GOLT1A: variants seen among roughly 807,000 people sequenced by gnomAD.
GOLT1A encodes the protein vesicle transport protein GOT1A.
A neutral mutation model predicts 16.1 loss-of-function variants in GOLT1A; 10 were observed. The ratio of observed to expected loss-of-function variants is 0.62; its 90% CI spans 0.38 to 1.05. The LOEUF (loss-of-function observed/expected upper bound fraction) is 1.05, where lower values mean the gene tolerates loss of function less well. Among genes scored for constraint, GOLT1A ranks in the 50% least tolerant of loss-of-function variants. GOLT1A has a pLI of 0.01. For synonymous variants in GOLT1A, 60 were observed against 67.9 expected (o/e 0.88, Z 0.57); for missense variants, 137 against 165.7 (o/e 0.83, Z 0.95).
At chr1:204,206,046 G>A (rs955190328) in intron 1 of GOLT1A, among the ~76,000 whole-genome samples, 6 of 151,980 alleles carry the variant, frequency 3.9e-5, no homozygotes, top group Non-Finnish European at 7.4e-5. Context: ...CTCCAGCCTG[G>A]GTAACAAGAG....
chr1:204,200,299 G>GTGTATATATATATATATATAGATATATA, intron 3 of GOLT1A, among the ~76,000 whole-genome samples: 1 of 82,684 alleles, frequency 1.2e-5, no homozygotes, highest in African/African-American at 5.5e-5. Context: ...ACATATATGT[G>GTGTATATATATATATATATAGATATATA]TATATATATA....
intron 1 of GOLT1A, among the ~76,000 whole-genome samples, chr1:204,203,482 G>A (rs1422278895): frequency 6.6e-6 from 1 of 152,162 alleles, no homozygotes; most frequent in East Asian, 1.9e-4. Context: ...CCTTACTCAA[G>A]AGGCTGGCCC....
At chr1:204,204,277 T>G (rs764829862) in intron 1 of GOLT1A, among the ~76,000 whole-genome samples, 10 of 152,174 alleles carry the variant, frequency 6.6e-5, no homozygotes, top group Non-Finnish European at 1.2e-4. Flanking sequence ...AAGCTGAAAC[T>G]CTACACCCAT....
chr1:204,209,825 TG>T (rs778966359), intron 1 of GOLT1A, among the ~76,000 whole-genome samples: 22 of 152,096 alleles, frequency 1.4e-4, no homozygotes, highest in Admixed American at 7.9e-4. Context: ...GACGCCGAGG[TG>T]GGTGGATCAT....
intron 1 of GOLT1A, among the ~76,000 whole-genome samples, chr1:204,204,884 C>T (rs1659016091): frequency 1.3e-5 from 2 of 151,572 alleles, no homozygotes; most frequent in Admixed American, 1.3e-4. Context: ...AGGTAGTATA[C>T]ATTGTGGTTT....
chr1:204,212,019 T>C (rs1297852014), intron 1 of GOLT1A, among the ~76,000 whole-genome samples: 2 of 152,034 alleles, frequency 1.3e-5, no homozygotes, highest in Non-Finnish European at 2.9e-5. Flanking sequence ...TGCAGATTAT[T>C]CCCACATTTC....
intron 2 of GOLT1A, 145 bp downstream of exon 2, chr1:204,202,751 G>T: frequency 1.5e-6 from 1 of 658,888 alleles, no homozygotes; most frequent in Non-Finnish European, 2.7e-6. Context: ...GGATAGGCAT[G>T]GTCTGAATAA....
At chr1:204,209,632 T>A (rs1659107441) in intron 1 of GOLT1A, among the ~76,000 whole-genome samples, 1 of 152,226 alleles carries the variant, frequency 6.6e-6, no homozygotes, top group Non-Finnish European at 1.5e-5. Flanking sequence ...TTTTCATAAC[T>A]ACCTGTGACA....
In GOLT1A at chr1:204,213,923, G is replaced by C. The variant is rs373387343; in HGVS notation, c.-17C>G. 2.7e-5 allele frequency: 43 copies of C among 1,612,446 alleles called. No homozygotes were observed. Among genetic ancestry groups the C allele is most frequent in the Non-Finnish European group, 3.6e-5 (43 of 1,179,572 alleles). On this transcript the variant is annotated 5_prime_UTR_variant, in exon 1 of 5. Coordinates refer to ENST00000308302, the MANE Select transcript of GOLT1A (RefSeq NM_198447.2). ...GGAGATCATGCCGCACTCAGCCTGG[G>C]GGGCTTTCCGGGTGGAAGCGGGCAA...
chr1:204,212,405 C>A (rs1241655061), intron 1 of GOLT1A, among the ~76,000 whole-genome samples: 1 of 152,030 alleles, frequency 6.6e-6, no homozygotes, highest in Non-Finnish European at 1.5e-5. Context: ...GAGGCTCAGG[C>A]AGGTGGATCA....
At chr1:204,210,369 A>G (rs1659120458) in intron 1 of GOLT1A, among the ~76,000 whole-genome samples, 1 of 152,092 alleles carries the variant, frequency 6.6e-6, no homozygotes, top group African/African-American at 2.4e-5. Flanking sequence ...CTTGTGCCCA[A>G]GCTCACTTCT....
intron 1 of GOLT1A, among the ~76,000 whole-genome samples, chr1:204,205,606 A>T (rs1460660794): frequency 1.3e-5 from 2 of 152,246 alleles, no homozygotes; most frequent in African/African-American, 4.8e-5. Flanking sequence ...AATTATCAAG[A>T]CTAGATTTAC....
In GOLT1A at chr1:204,208,240, A is replaced by G. The variant is rs1266477580; in HGVS notation, c.26-5253T>C. Among the ~76,000 whole-genome samples, 6 of 151,930 alleles carry G rather than the reference A, an allele frequency of 3.9e-5. No homozygotes were observed. In the East Asian group the frequency reaches 7.7e-4, roughly 20 times the overall value. ...TCTAGCAGCACAGTTTGGAATTGCA[A>G]AAATATGAAACCAGCCCAAATGCCC... On this transcript the variant is annotated intron_variant, in intron 1 of 4. Transcript: ENST00000308302.
chr1:204,207,741 C>T (rs927780410), intron 1 of GOLT1A, among the ~76,000 whole-genome samples: 4 of 152,170 alleles, frequency 2.6e-5, no homozygotes, highest in Non-Finnish European at 5.9e-5. Flanking sequence ...CTTGCAAGTA[C>T]AGTACAAAGA....
At chr1:204,210,813 T>C (rs1659126454) in intron 1 of GOLT1A, among the ~76,000 whole-genome samples, 1 of 152,222 alleles carries the variant, frequency 6.6e-6, no homozygotes, top group Non-Finnish European at 1.5e-5. Context: ...TTGAAACTCA[T>C]ATCTAGCTGC....
intron 3 of GOLT1A, among the ~76,000 whole-genome samples, chr1:204,199,736 C>T (rs903810828): frequency 5.3e-5 from 8 of 152,180 alleles, no homozygotes; most frequent in African/African-American, 1.4e-4. Context: ...CCATGCTCAC[C>T]GTTACACTCC....
Position 204,198,378 on chromosome 1 carries a change from G to T in GOLT1A, c.*80C>A. 7.6e-7 allele frequency: 1 copy of T among 1,310,346 alleles called. No homozygotes were observed. The allele number at this position is 1,310,346 out of a possible 1,614,324, so 81.2% of individuals were successfully genotyped here. ...ATATGTCGGGGAGTGAGTCAGTGCAGGGGACTGAGGGGGTGGTTCCCATTC... is the reference window on the plus strand; with the variant it reads ...ATATGTCGGGGAGTGAGTCAGTGCATGGGACTGAGGGGGTGGTTCCCATTC... On this transcript the variant is annotated 3_prime_UTR_variant, in exon 5 of 5. Coordinates refer to ENST00000308302, the MANE Select transcript of GOLT1A (RefSeq NM_198447.2).
At chr1:204,208,407 T>C (rs370795932) in intron 1 of GOLT1A, among the ~76,000 whole-genome samples, 3 of 65,592 alleles carry the variant, frequency 4.6e-5, no homozygotes, top group Admixed American at 1.4e-4. Flanking sequence ...TACATATATG[T>C]ATATATGTAT....
intron 1 of GOLT1A, among the ~76,000 whole-genome samples, chr1:204,208,434 A>G (rs55790816): frequency 1.6e-5 from 1 of 62,784 alleles, no homozygotes; most frequent in Non-Finnish European, 4.9e-5. Flanking sequence ...GTGTATATGT[A>G]TACATATGTG....
Sources: gnomAD v4.1 joint callset for allele counts (sites outside exome capture counted in the v4.1 genomes callset) on GRCh38, gnomAD v4.1.1 for gene constraint, MANE v1.5 for transcripts, NCBI Gene and HGNC (gene_info 2026-07-23, HGNC 2026-07-21) for gene names.